The following COL6A5 variants were observed in gnomAD, a reference collection of about 807,000 sequenced individuals.
COL6A5 encodes the protein collagen alpha-5(VI) chain.
A neutral mutation model predicts 65.6 loss-of-function variants in COL6A5; 48 were observed. That is an observed-to-expected ratio of 0.73 (90% CI 0.58 to 0.93). The LOEUF is 0.93. Ranked by LOEUF, COL6A5 falls within the 40% of genes least tolerant of loss-of-function variation. The probability of loss-of-function intolerance (pLI) is 0.00; values close to 1 mark genes in which losing one functional copy is unlikely to be tolerated. For missense variants in COL6A5, 914 were observed against 928.3 expected, an observed-to-expected ratio of 0.98 and a Z score of 0.20; for synonymous variants, 291 against 322.8, an observed-to-expected ratio of 0.90 and a Z score of 1.05.
chr3:130,421,248 TA>T lies in COL6A5; in HGVS notation c.5001+48del. 2.6e-6 allele frequency: 4 copies of T among 1,546,568 alleles called. No homozygotes were observed. The South Asian group carries it at 4.8e-5, about 18-fold the overall frequency. ...ATTTTTATTCATTGATGAATCAAAC[TA>T]AATAATACAAGAAGAAATGTTCATA... On this transcript the variant is annotated intron_variant and NMD_transcript_variant, in intron 26 of 41. Transcript: ENST00000312481.
In COL6A5 at chr3:130,360,454, C is replaced by T. The variant is rs537549612; in HGVS notation, c.-28-13157C>T. ...CTGATTTTAAGATGCAGGCAGCATT[C>T]GACTAATGTAGATTATGATTCATTT... On this transcript the variant is annotated intron_variant and NMD_transcript_variant, in intron 1 of 41. Coordinates refer to the COL6A5 transcript ENST00000312481. Among the ~76,000 whole-genome samples, 12 of 152,146 alleles carry T rather than the reference C, an allele frequency of 7.9e-5. 1 individual carries two copies. In the East Asian group the frequency reaches 1.9e-3, roughly 24 times the overall value.
At chr3:130,417,657 C>T (rs1431317165) in intron 24 of COL6A5, among the ~76,000 whole-genome samples, 8 of 151,978 alleles carry the variant, frequency 5.3e-5, no homozygotes, top group African/African-American at 1.9e-4. Context: ...TGTTGGGGAT[C>T]GTCAGAGAGC....
At position 130,470,970 on chromosome 3, in the gene COL6A5, G is replaced by A. The variant is rs370404441; in HGVS notation, c.2328+3G>A. ...GGTGGCACAGAAAACACTGTATTGT[G>A]AGTTGAGAAATTCCAAGTTTGGGTA... On this transcript the variant is annotated splice_donor_region_variant and intron_variant, in intron 7 of 7. Transcript: ENST00000512836. 7 of 1,606,266 alleles carry A rather than the reference G, an allele frequency of 4.4e-6. No individual in the cohort carries two copies. In the African/African-American group the frequency reaches 6.7e-5, roughly 15 times the overall value.
chr3:130,412,456 A>C (rs1314701758), intron 20 of COL6A5, among the ~76,000 whole-genome samples: 1 of 152,160 alleles, frequency 6.6e-6, no homozygotes, highest in African/African-American at 2.4e-5. Context: ...TTAAAGAACA[A>C]AACTGAGCTC....
Position 130,385,172 on chromosome 3 carries a change from G to A in COL6A5, c.1669G>A (p.Asp557Asn), listed in dbSNP as rs772701943. 190 of 1,550,956 alleles carry A rather than the reference G, an allele frequency of 1.2e-4. No homozygotes were observed. Among genetic ancestry groups the A allele is most frequent in the Non-Finnish European group, 1.6e-4 (180 of 1,146,540 alleles). The change falls in exon 5 of 42, where the codon GAC becomes AAC. Residue 557 changes from aspartate (D) to asparagine (N), a missense_variant and NMD_transcript_variant. Transcript: ENST00000312481. ...TGTGTTGACTGATGGGATGTCCACA[G>A]ACAGAGTCGTGGAACCTGCTAAGAG... is the stretch of plus-strand genomic sequence containing the variant.
exon 4 of COL6A5, chr3:130,379,714 A>G (rs1935923224): frequency 3.2e-6 from 5 of 1,551,484 alleles, no homozygotes; most frequent in Admixed American, 2.0e-5. Flanking sequence ...TGATCAGATG[A>G]GAAGAGACGG....
At position 130,431,471 on chromosome 3, in the gene COL6A5, G is replaced by A. The variant is rs888567682; in HGVS notation, c.11G>A (p.Cys4Tyr). The A allele has an allele frequency of 4.5e-6, 7 of 1,548,562 alleles. No homozygotes were observed. In the African/African-American group the frequency reaches 9.6e-5, roughly 21 times the overall value. The change falls in exon 1 of 8, where the codon TGT becomes TAT. Residue 4 changes from cysteine to tyrosine, a missense_variant. Coordinates refer to ENST00000512836, the Ensembl canonical transcript of COL6A5. The stretch of plus-strand genomic sequence containing the variant: ...CTGCTTTTCTTTTTTCTAGAAAAAT[G>A]TCCAGCATATCCAACAGAGCTAGTA...
upstream of COL6A5, among the ~76,000 whole-genome samples, chr3:130,429,794 C>G (rs1023179893): frequency 1.1e-4 from 16 of 152,146 alleles, no homozygotes; most frequent in Non-Finnish European, 4.4e-5. Context: ...AGCCTGGGAC[C>G]CATCACAGTT....
intron 1 of COL6A5, among the ~76,000 whole-genome samples, chr3:130,359,945 A>G (rs1363365460): frequency 6.6e-6 from 1 of 152,108 alleles, no homozygotes; most frequent in Admixed American, 6.5e-5. Context: ...ATTAATTTTC[A>G]AGAAAAATTC....
chr3:130,407,937 T>C (rs1344940803), intron 17 of COL6A5, among the ~76,000 whole-genome samples: 1 of 152,194 alleles, frequency 6.6e-6, no homozygotes, highest in Non-Finnish European at 1.5e-5. Context: ...AATACTCTTA[T>C]AATTTCCTAT....
intron 1 of COL6A5, among the ~76,000 whole-genome samples, chr3:130,356,045 C>G (rs893798197): frequency 6.6e-6 from 1 of 152,086 alleles, no homozygotes; most frequent in Non-Finnish European, 1.5e-5. Flanking sequence ...CTGCCCTCCT[C>G]TTCCTTTTTT....
In COL6A5 at chr3:130,382,146, G is replaced by A. The variant is rs181392158; in HGVS notation, c.1300+2096G>A. On this transcript the variant is annotated intron_variant and NMD_transcript_variant, in intron 4 of 41. Transcript: ENST00000312481. ...TAAGAAAAGTCCTATGGATAGTAAC[G>A]TTGGCTCAATTCCATGGTGTCATTA... Among the ~76,000 whole-genome samples the A allele has an allele frequency of 5.9e-5, 9 of 152,142 alleles. No individual in the cohort carries two copies. In the East Asian group the frequency reaches 1.4e-3, roughly 23 times the overall value.
chr3:130,358,719 A>G (rs995772456), intron 1 of COL6A5, among the ~76,000 whole-genome samples: 2 of 152,134 alleles, frequency 1.3e-5, no homozygotes, highest in African/African-American at 2.4e-5. Context: ...GGACTTCCAT[A>G]TGTTCCTGAG....
intron 7 of COL6A5, chr3:130,477,125 C>CT (rs1350126124): frequency 1.4e-6 from 2 of 1,397,720 alleles, no homozygotes; most frequent in Non-Finnish European, 2.0e-6. Context: ...GATTCATACT[C>CT]TATGTTTATA....
intron 5 of COL6A5, among the ~76,000 whole-genome samples, chr3:130,458,863 C>G (rs1192287714): frequency 2.0e-5 from 3 of 152,054 alleles, no homozygotes; most frequent in Non-Finnish European, 4.4e-5. Context: ...AACATGCAGT[C>G]CCTTCTAATT....
intron 5 of COL6A5, among the ~76,000 whole-genome samples, chr3:130,457,855 T>G (rs181696388): frequency 2.0e-5 from 3 of 152,154 alleles, no homozygotes; most frequent in Non-Finnish European, 4.4e-5. Context: ...TCACTCAGAA[T>G]GAGCTTTGAT....
rs73868764 is a variant in COL6A5 at position 130,394,874 on chromosome 3, C to A, written c.2993-16C>A. 31,426 of 1,524,084 alleles carry A rather than the reference C, an allele frequency of 0.021. 813 individuals are homozygous for A. The highest frequency in any genetic ancestry group is 0.1 in the African/African-American group (7,240 of 71,450). The allele number at this position is 1,524,084 out of a possible 1,614,324, so 94.4% of individuals were successfully genotyped here. ...TGATTCATGAGGAAAATAATTTATTCTTTTTTCTATTGCAGTCTGTCATCT... is the reference window on the plus strand; with the variant it reads ...TGATTCATGAGGAAAATAATTTATTATTTTTTCTATTGCAGTCTGTCATCT... On this transcript the variant is annotated splice_polypyrimidine_tract_variant and intron_variant and NMD_transcript_variant, in intron 7 of 41. Transcript: ENST00000312481.
chr3:130,352,540 G>A (rs1193038377), intron 1 of COL6A5, among the ~76,000 whole-genome samples: 2 of 152,074 alleles, frequency 1.3e-5, no homozygotes, highest in African/African-American at 4.8e-5. Context: ...CAGTAACCTT[G>A]AGAGTTTGTA....
chr3:130,453,423 C>A (rs954441630), intron 4 of COL6A5, among the ~76,000 whole-genome samples: 1 of 152,134 alleles, frequency 6.6e-6, no homozygotes, highest in Admixed American at 6.6e-5. Flanking sequence ...TGTTTACTCT[C>A]CATCAAAACC....
Sources: gnomAD v4.1 joint callset for allele counts (sites outside exome capture counted in the v4.1 genomes callset) on GRCh38, gnomAD v4.1.1 for gene constraint, MANE v1.5 for transcripts, NCBI Gene and HGNC (gene_info 2026-07-23, HGNC 2026-07-21) for gene names.